Variants in PTK2B observed in about 807,000 individuals in gnomAD.
The protein encoded by PTK2B is protein-tyrosine kinase 2-beta.
In PTK2B, 71 loss-of-function variants were observed where a neutral mutation model predicts 142.9. That is an observed-to-expected ratio of 0.50 (90% CI 0.41 to 0.61). PTK2B has a LOEUF of 0.61. Among genes scored for constraint, PTK2B ranks in the 20% least tolerant of loss-of-function variants. The probability of loss-of-function intolerance (pLI) is 0.00; values close to 1 mark genes in which losing one functional copy is unlikely to be tolerated. For synonymous variants in PTK2B, 519 were observed against 503.4 expected (o/e 1.03, Z -0.42); for missense variants, 1,105 against 1,320.4 (o/e 0.84, Z 2.53).
chr8:27,358,699 G>T (rs1427688167), intron 1 of PTK2B, among the ~76,000 whole-genome samples: 1 of 151,784 alleles, frequency 6.6e-6, no homozygotes, highest in Non-Finnish European at 1.5e-5. Flanking sequence ...ACATTATTTT[G>T]TTTGCCATGC....
At chr8:27,409,331 G>T (rs1313653034) in intron 2 of PTK2B, among the ~76,000 whole-genome samples, 1 of 152,102 alleles carries the variant, frequency 6.6e-6, no homozygotes, top group Non-Finnish European at 1.5e-5. Context: ...GCTTCCCAGG[G>T]GCCCTCATAG....
chr8:27,319,036 A>G (rs554731620), intron 3 of PTK2B, among the ~76,000 whole-genome samples: 4 of 152,294 alleles, frequency 2.6e-5, no homozygotes, highest in East Asian at 3.9e-4. Context: ...CAATTTTTCA[A>G]TGGTTTAACT....
At chr8:27,314,517 A>G (rs1366447245) in intron 3 of PTK2B, among the ~76,000 whole-genome samples, 1 of 152,260 alleles carries the variant, frequency 6.6e-6, no homozygotes, top group East Asian at 1.9e-4. Flanking sequence ...TTCACACTTC[A>G]GCTGCGACAG....
rs367773331 is a variant in PTK2B, at chr8:27,440,219, C to T, written c.1835-18C>T. The T allele has an allele frequency of 1.4e-4, 232 of 1,613,206 alleles. No homozygotes were observed. The highest frequency in any genetic ancestry group is 1.8e-4 in the Non-Finnish European group (214 of 1,179,470). On this transcript the variant is annotated intron_variant, in intron 20 of 30. Coordinates refer to ENST00000346049, the MANE Select transcript of PTK2B (RefSeq NM_173176.3). Reference sequence around the variant, plus strand: ...CTGGTCTCCCCCACCCAGGGCCTGACGCTCCCTTACACCCCAGCCGTGTGC... The same window carrying T: ...CTGGTCTCCCCCACCCAGGGCCTGATGCTCCCTTACACCCCAGCCGTGTGC...
rs75897890 is a variant in PTK2B at position 27,396,459 on chromosome 8, G to A, written c.-37-1089G>A. Among the ~76,000 whole-genome samples, 947 of 152,296 alleles carry A rather than the reference G, an allele frequency of 6.2e-3. 11 individuals carry two copies. Among genetic ancestry groups the A allele is most frequent in the African/African-American group, 0.022 (908 of 41,550 alleles). ...GGGTTTCAGGATAAGAGCTAAGCTC[G>A]TTCTAGAACAGTGGTTTCCAACCCA... is the stretch of plus-strand genomic sequence containing the variant. On this transcript the variant is annotated intron_variant, in intron 1 of 30. Transcript: ENST00000346049.
intron 21 of PTK2B, 79 bp downstream of exon 21, chr8:27,440,520 G>A: frequency 6.7e-7 from 1 of 1,491,738 alleles, no homozygotes; most frequent in South Asian, 1.1e-5. Context: ...AGAGAGGTTT[G>A]CACCACATCT....
At position 27,442,953 on chromosome 8, in the gene PTK2B, G is replaced by A; in HGVS notation, c.2118G>A (p.Glu706=). 6.8e-6 allele frequency: 11 copies of A among 1,614,124 alleles called. No homozygotes were observed. The highest frequency in any genetic ancestry group is 8.5e-6 in the Non-Finnish European group (10 of 1,179,974). The change falls in exon 22 of 31, where the codon GAG becomes GAA. Residue 706 remains glutamate (E), a synonymous_variant. Transcript: ENST00000346049. ...NARYRTPKIL[E]PTAFQEPPPK... ...GCTACCGAACCCCCAAAATCTTGGAGCCCACAGCCTTCCAGGAACCCCCAC... is the reference window on the plus strand; with the variant it reads ...GCTACCGAACCCCCAAAATCTTGGAACCCACAGCCTTCCAGGAACCCCCAC...
At chr8:27,351,488 A>T (rs951890202) in intron 1 of PTK2B, among the ~76,000 whole-genome samples, 1 of 152,174 alleles carries the variant, frequency 6.6e-6, no homozygotes, top group African/African-American at 2.4e-5. Context: ...CCACACAGAC[A>T]AAGAATTTGT....
intron 30 of PTK2B, among the ~76,000 whole-genome samples, chr8:27,455,198 T>G (rs1463621021): frequency 6.6e-6 from 1 of 152,036 alleles, no homozygotes; most frequent in African/African-American, 2.4e-5. Flanking sequence ...GAGATTGTTC[T>G]CAGTTATCAG....
At chr8:27,451,360 C>T in intron 26 of PTK2B, 125 bp from the exon 27 acceptor site, 1 of 1,479,180 alleles carries the variant, frequency 6.8e-7, no homozygotes, top group Non-Finnish European at 9.1e-7. Flanking sequence ...CCCAGAAGCA[C>T]CCCCGACCCC....
rs548334037 is a variant in PTK2B, at chr8:27,453,205, G to A, written c.2595+45G>A. On this transcript the variant is annotated intron_variant, in intron 28 of 30. Coordinates refer to ENST00000346049, the MANE Select transcript of PTK2B (RefSeq NM_173176.3). ...AAACTGATAAATGAGAGTGGGGGTT[G>A]CACAAAACTGAAGACCATGGTCTAT... The A allele has an allele frequency of 1.9e-6, 3 of 1,604,518 alleles. No homozygotes were observed. In the South Asian group the frequency reaches 3.3e-5, roughly 18 times the overall value.
chr8:27,311,471 G>C (rs1011844204), upstream of PTK2B: 2 of 583,252 alleles, frequency 3.4e-6, no homozygotes, highest in Non-Finnish European at 5.8e-6. Context: ...AGCGGGGTGG[G>C]CCTTCTGCCC....
At chr8:27,379,615 A>G (rs1242473478) in intron 1 of PTK2B, among the ~76,000 whole-genome samples, 1 of 152,200 alleles carries the variant, frequency 6.6e-6, no homozygotes, top group Non-Finnish European at 1.5e-5. Flanking sequence ...TAATTTGCAT[A>G]TAATCTCTGG....
chr8:27,341,018 G>A (rs544118411), intron 1 of PTK2B, among the ~76,000 whole-genome samples: 1 of 152,312 alleles, frequency 6.6e-6, no homozygotes, highest in African/African-American at 2.4e-5. Flanking sequence ...TACCTGGAGA[G>A]CAAGGGGGTG....
At chr8:27,364,292 G>A (rs1019802900) in intron 1 of PTK2B, among the ~76,000 whole-genome samples, 4 of 152,198 alleles carry the variant, frequency 2.6e-5, no homozygotes, top group Non-Finnish European at 5.9e-5. Flanking sequence ...AGGGCAGTTC[G>A]TTTCCATACT....
Position 27,458,490 on chromosome 8 carries a change from C to T in PTK2B, c.3011C>T (p.Ala1004Val), listed in dbSNP as rs1309949366. 4.4e-6 allele frequency: 7 copies of T among 1,580,732 alleles called. No homozygotes were observed. Among genetic ancestry groups the T allele is most frequent in the Admixed American group, 1.8e-5 (1 of 54,672 alleles). ...VDQAKVLANL[A>V]HPPAE is the part of the protein sequence containing the mutation. Reference sequence around the variant, plus strand: ...CAGGCCAAGGTTCTGGCCAATCTGGCCCACCCACCTGCAGAGTGACGGAGG... The same window carrying T: ...CAGGCCAAGGTTCTGGCCAATCTGGTCCACCCACCTGCAGAGTGACGGAGG... Residue 1004 changes from alanine (A) to valine (V), a missense_variant, in exon 31 of 31, where the codon GCC becomes GTC. Transcript: ENST00000346049.
At chr8:27,345,931 T>C (rs1804685302) in intron 1 of PTK2B, among the ~76,000 whole-genome samples, 2 of 152,138 alleles carry the variant, frequency 1.3e-5, no homozygotes, top group Non-Finnish European at 2.9e-5. Context: ...CTCACACCAC[T>C]GGCTACAAAG....
At chr8:27,417,547 A>G (rs1392243563) in intron 2 of PTK2B, among the ~76,000 whole-genome samples, 10 of 152,158 alleles carry the variant, frequency 6.6e-5, no homozygotes, top group Non-Finnish European at 1.2e-4. Context: ...ATGTGTCAAA[A>G]TTGTATAGCT....
rs924651037 is a variant in PTK2B, at chr8:27,434,493, T to G, written c.1146-20T>G. 5 of 1,607,238 alleles carry G rather than the reference T, an allele frequency of 3.1e-6. No individual in the cohort carries two copies. The highest frequency in any genetic ancestry group is 1.7e-4 in the Middle Eastern group (1 of 6,032). On this transcript the variant is annotated intron_variant, in intron 12 of 30. Coordinates refer to ENST00000346049, the MANE Select transcript of PTK2B (RefSeq NM_173176.3). ...CCGGCCTCTGAGCTCACCTGGCTTC[T>G]GCTCTCTCACCTCCTACAGAAACCT...
Sources: gnomAD v4.1 joint callset for allele counts (sites outside exome capture counted in the v4.1 genomes callset) on GRCh38, gnomAD v4.1.1 for gene constraint, MANE v1.5 for transcripts, NCBI Gene and HGNC (gene_info 2026-07-23, HGNC 2026-07-21) for gene names.